Variants in PTK2B observed in about 807,000 individuals in gnomAD.
PTK2B encodes the protein protein tyrosine kinase 2 beta.
A neutral mutation model predicts 142.9 loss-of-function variants in PTK2B; 71 were observed. The ratio of observed to expected loss-of-function variants is 0.50; its 90% CI spans 0.41 to 0.61. The LOEUF is 0.61. Among genes scored for constraint, PTK2B ranks in the 20% least tolerant of loss-of-function variants. The pLI is 0.00. For synonymous variants in PTK2B, 519 were observed against 503.4 expected, an observed-to-expected ratio of 1.03 and a Z score of -0.42; for missense variants, 1,105 against 1,320.4, an observed-to-expected ratio of 0.84 and a Z score of 2.53.
chr8:27,359,240 C>T (rs1447096489), intron 1 of PTK2B, among the ~76,000 whole-genome samples: 2 of 152,128 alleles, frequency 1.3e-5, no homozygotes, highest in Non-Finnish European at 2.9e-5. Flanking sequence ...CACAGCCTCC[C>T]GAGTAGCTGG....
intron 30 of PTK2B, among the ~76,000 whole-genome samples, chr8:27,456,040 GA>G (rs774859778): frequency 5.3e-4 from 80 of 152,348 alleles, no homozygotes; most frequent in Non-Finnish European, 8.4e-4. Flanking sequence ...ACACATACAG[GA>G]GCCCTAGGTG....
intron 28 of PTK2B, among the ~76,000 whole-genome samples, chr8:27,453,412 C>T (rs1420531784): frequency 6.6e-6 from 1 of 152,174 alleles, no homozygotes; most frequent in African/African-American, 2.4e-5. Context: ...AGTAGAGCTC[C>T]CTGGTCCAGC....
intron 8 of PTK2B, 105 bp downstream of exon 8, chr8:27,431,121 A>C: frequency 6.6e-7 from 1 of 1,515,848 alleles, no homozygotes; most frequent in Non-Finnish European, 8.9e-7. Flanking sequence ...GCAGATTCTC[A>C]CTCAGGCAGC....
chr8:27,377,851 G>A (rs967945294), intron 1 of PTK2B, among the ~76,000 whole-genome samples: 3 of 152,202 alleles, frequency 2.0e-5, no homozygotes, highest in Non-Finnish European at 4.4e-5. Context: ...TGCAGGTGGA[G>A]AAGGTTCTGG....
At chr8:27,396,170 T>G (rs937213196) in intron 1 of PTK2B, 7 of 152,214 alleles carry the variant, frequency 4.6e-5, no homozygotes, top group African/African-American at 1.7e-4. Context: ...TGCCTCTCTT[T>G]TGCATCTTCG....
At chr8:27,311,220 C>T (rs751238182), upstream of PTK2B, 4 of 1,562,140 alleles carry the variant, frequency 2.6e-6, no homozygotes, top group East Asian at 4.6e-5. Context: ...GGGGACACGT[C>T]GGGACTCCGC....
rs143110685 is a variant in PTK2B, at chr8:27,444,379, A to T, written c.2214+108A>T. ...CAGCAGTCACCCACTTGGGTGATGG[A>T]GATGGCCTAGGTTGACTCTTCTTTG... On this transcript the variant is annotated intron_variant, in intron 23 of 30. Coordinates refer to ENST00000346049, the MANE Select transcript of PTK2B (RefSeq NM_173176.3). 78 of 1,258,020 alleles carry T rather than the reference A, an allele frequency of 6.2e-5. No individual in the cohort carries two copies. The East Asian group carries it at 1.8e-3, about 29-fold the overall frequency. The allele number at this position is 1,258,020 out of a possible 1,614,324, so 77.9% of individuals were successfully genotyped here. A position where few individuals can be genotyped will look rare whatever the true frequency, so the allele number is the denominator to read the frequency against.
chr8:27,453,299 G>T, intron 28 of PTK2B, 139 bp downstream of exon 28: 1 of 1,168,634 alleles, frequency 8.6e-7, no homozygotes. Flanking sequence ...CCCGGGGTTA[G>T]GGGGCGGGTG....
At chr8:27,336,450 G>C (rs1804069896) in intron 1 of PTK2B, among the ~76,000 whole-genome samples, 1 of 152,076 alleles carries the variant, frequency 6.6e-6, no homozygotes, top group South Asian at 2.1e-4. Flanking sequence ...GACACAGCCT[G>C]GTACCTGACA....
chr8:27,322,371 T>G (rs371610223), upstream of PTK2B: 6 of 152,302 alleles, frequency 3.9e-5, no homozygotes, highest in East Asian at 9.6e-4. Flanking sequence ...ATTTACCTTA[T>G]CCAAGCTTCC....
At chr8:27,445,209 A>C (rs1303368897) in intron 23 of PTK2B, among the ~76,000 whole-genome samples, 1 of 152,090 alleles carries the variant, frequency 6.6e-6, no homozygotes, top group African/African-American at 2.4e-5. Context: ...ATCTCTAAAA[A>C]CAAATAGTAA....
rs1225490435 is a variant in PTK2B, at chr8:27,431,486, G to A, written c.885+14G>A. The A allele has an allele frequency of 8.1e-6, 13 of 1,613,762 alleles. No homozygotes were observed. In the East Asian group the frequency reaches 2.7e-4, roughly 33 times the overall value. On this transcript the variant is annotated intron_variant, in intron 9 of 30. Coordinates refer to ENST00000346049, the MANE Select transcript of PTK2B (RefSeq NM_173176.3). The stretch of plus-strand genomic sequence containing the variant: ...CAGGACGCAAAGGTAGAGAGACCCG[G>A]GGCAGCCCCACCCAGCCCCAGGCGG...
chr8:27,376,251 C>A (rs560709745), intron 1 of PTK2B, among the ~76,000 whole-genome samples: 1 of 152,324 alleles, frequency 6.6e-6, no homozygotes, highest in South Asian at 2.1e-4. Flanking sequence ...CTTGGCTGCC[C>A]CCACCCCAAC....
intron 1 of PTK2B, among the ~76,000 whole-genome samples, chr8:27,394,621 C>T (rs1807930174): frequency 6.6e-6 from 1 of 152,158 alleles, no homozygotes; most frequent in African/African-American, 2.4e-5. Context: ...TTAGGCTACA[C>T]TAAATTTATT....
At position 27,397,600 on chromosome 8, in the gene PTK2B, G is replaced by A. The variant is rs771681042; in HGVS notation, c.16G>A (p.Glu6Lys). 4.8e-5 allele frequency: 78 copies of A among 1,613,764 alleles called. No homozygotes were observed. In the South Asian group the frequency reaches 7.0e-4, roughly 15 times the overall value. Reference protein sequence around the residue: MSGVSEPLSRVKLGTL... With the variant: MSGVSKPLSRVKLGTL... Reference sequence around the variant, plus strand: ...GCCTGAGAGGATGTCTGGGGTGTCCGAGCCCCTGAGTCGAGTAAAGTTGGG... The same window carrying A: ...GCCTGAGAGGATGTCTGGGGTGTCCAAGCCCCTGAGTCGAGTAAAGTTGGG... The change falls in exon 2 of 31, where the codon GAG (glutamate) becomes AAG (lysine). Residue 6 changes from glutamate to lysine, a missense_variant. Physicochemically the swap from Glu to Lys is moderately conservative, Grantham distance 56. Coordinates refer to ENST00000346049, the MANE Select transcript of PTK2B (RefSeq NM_173176.3).
intron 2 of PTK2B, among the ~76,000 whole-genome samples, chr8:27,412,253 A>G (rs1809112459): frequency 1.3e-5 from 2 of 152,184 alleles, no homozygotes; most frequent in Non-Finnish European, 2.9e-5. Context: ...GGCTGATACC[A>G]TGTGGCTCAA....
chr8:27,432,172 C>T (rs961382278), intron 9 of PTK2B, 88 bp from the exon 10 acceptor site: 13 of 1,161,324 alleles, frequency 1.1e-5, no homozygotes, highest in Non-Finnish European at 1.5e-5. Context: ...CCCAGTTCCT[C>T]CTCACCCCGG....
intron 1 of PTK2B, among the ~76,000 whole-genome samples, chr8:27,350,655 A>G (rs1333434407): frequency 4.6e-5 from 7 of 152,068 alleles, no homozygotes; most frequent in Non-Finnish European, 1.0e-4. Flanking sequence ...GCGAACTGTT[A>G]ACCCCAGTTG....
At chr8:27,429,000 A>G (rs1810247314) in intron 5 of PTK2B, among the ~76,000 whole-genome samples, 1 of 151,780 alleles carries the variant, frequency 6.6e-6, no homozygotes, top group South Asian at 2.1e-4. Context: ...GCTCACTGCA[A>G]CCTCCGCCTC....
Sources: gnomAD v4.1 joint callset for allele counts (sites outside exome capture counted in the v4.1 genomes callset) on GRCh38, gnomAD v4.1.1 for gene constraint, MANE v1.5 for transcripts, NCBI Gene and HGNC (gene_info 2026-07-23, HGNC 2026-07-21) for gene names.